SMIM35: variants seen among roughly 807,000 people sequenced by gnomAD.
The protein encoded by SMIM35 is small integral membrane protein 35, also known as TMPRSS4 antisense RNA 1 (non-protein coding).
intron 4 of SMIM35, among the ~76,000 whole-genome samples, chr11:118,012,478 C>T (rs894083297): frequency 6.6e-6 from 1 of 152,204 alleles, no homozygotes; most frequent in African/African-American, 2.4e-5. Context: ...CATTTCTGGC[C>T]CACTTTTGCC....
In SMIM35 at chr11:118,014,058, A is replaced by G. The variant is rs79317489; in HGVS notation, c.159-178T>C. On this transcript the variant is annotated intron_variant, in intron 3 of 4. Transcript: ENST00000689828. ...AGGTACAGCCCTGCCTGTGGCAAGT[A>G]GATGAGATGACCAACGCCAAGAGGA... Among the ~76,000 whole-genome samples, 498 of 152,316 alleles carry G rather than the reference A, an allele frequency of 3.3e-3. 1 individual carries two copies. Among genetic ancestry groups the G allele is most frequent in the African/African-American group, 0.011 (475 of 41,564 alleles).
chr11:118,076,939 G>A, intron 1 of SMIM35: 1 of 239,364 alleles, frequency 4.2e-6, no homozygotes, highest in Non-Finnish European at 8.1e-6. Flanking sequence ...CCTGTTCTGA[G>A]GCCGAAGGTC....
intron 1 of SMIM35, among the ~76,000 whole-genome samples, chr11:118,036,153 C>G (rs936325184): frequency 6.6e-6 from 1 of 152,192 alleles, no homozygotes; most frequent in African/African-American, 2.4e-5. Context: ...TCCCAAAGTG[C>G]TGGGATTACA....
At chr11:118,064,071 A>C (rs1252787274) in intron 1 of SMIM35, among the ~76,000 whole-genome samples, 1 of 152,038 alleles carries the variant, frequency 6.6e-6, no homozygotes, top group East Asian at 1.9e-4. Context: ...CAACCATAGG[A>C]TCTGTTGCTA....
At chr11:118,070,642 C>T (rs1158581041) in intron 1 of SMIM35, among the ~76,000 whole-genome samples, 3 of 152,152 alleles carry the variant, frequency 2.0e-5, no homozygotes, top group Non-Finnish European at 4.4e-5. Flanking sequence ...CCTGGAGAGA[C>T]AGATGAAAAG....
intron 1 of SMIM35, among the ~76,000 whole-genome samples, chr11:118,068,698 G>A (rs60348146): frequency 0.057 from 8,610 of 152,254 alleles, 352 homozygotes; most frequent in East Asian, 0.19. Flanking sequence ...ACCTCACAGC[G>A]CTGTTTCCTG....
At chr11:118,052,163 C>T (rs1944227500) in intron 1 of SMIM35, among the ~76,000 whole-genome samples, 1 of 152,184 alleles carries the variant, frequency 6.6e-6, no homozygotes, top group African/African-American at 2.4e-5. Context: ...TTTGCATAAA[C>T]ACCATAGAAA....
intron 4 of SMIM35, among the ~76,000 whole-genome samples, chr11:118,011,462 C>T (rs1454131101): frequency 2.0e-5 from 3 of 152,102 alleles, no homozygotes; most frequent in South Asian, 2.1e-4. Context: ...GAGGCCGAGG[C>T]GGGTGGCTCA....
intron 1 of SMIM35, among the ~76,000 whole-genome samples, chr11:118,084,744 T>C (rs1945413429): frequency 6.6e-6 from 1 of 152,260 alleles, no homozygotes; most frequent in African/African-American, 2.4e-5. Context: ...ACATCACATG[T>C]GTCATCAATA....
intron 1 of SMIM35, among the ~76,000 whole-genome samples, chr11:118,055,388 T>C (rs1308228426): frequency 6.6e-6 from 1 of 152,178 alleles, no homozygotes; most frequent in Non-Finnish European, 1.5e-5. Context: ...CCCCACCAGC[T>C]GTTCCATTTC....
At chr11:118,030,211 T>C (rs1245607064) in intron 1 of SMIM35, among the ~76,000 whole-genome samples, 2 of 152,114 alleles carry the variant, frequency 1.3e-5, no homozygotes, top group Non-Finnish European at 2.9e-5. Flanking sequence ...ATTTTTGTAT[T>C]TTTAGTAGAG....
At chr11:118,069,948 C>A (rs1409667033) in intron 1 of SMIM35, among the ~76,000 whole-genome samples, 1 of 152,060 alleles carries the variant, frequency 6.6e-6, no homozygotes, top group Admixed American at 6.5e-5. Flanking sequence ...GTAATCCCAG[C>A]CACTCGGGAG....
At chr11:118,010,968 A>G (rs1438648785) in intron 4 of SMIM35, among the ~76,000 whole-genome samples, 2 of 152,222 alleles carry the variant, frequency 1.3e-5, no homozygotes, top group Non-Finnish European at 2.9e-5. Flanking sequence ...CTGCTCCCGA[A>G]TCGTTTCTAA....
chr11:118,086,335 G>A (rs1277369838), intron 1 of SMIM35, among the ~76,000 whole-genome samples: 1 of 152,254 alleles, frequency 6.6e-6, no homozygotes, highest in Non-Finnish European at 1.5e-5. Flanking sequence ...GAGCCATTAT[G>A]TGCTGAGATG....
chr11:118,059,506 T>G (rs554389354), intron 1 of SMIM35: 1 of 152,176 alleles, frequency 6.6e-6, no homozygotes, highest in Admixed American at 6.5e-5. Context: ...CATCTCAGAG[T>G]GCAGAATGTG....
rs573691399 is a variant in SMIM35 at position 118,013,129 on chromosome 11, G to A, written c.*33+619C>T. On this transcript the variant is annotated intron_variant, in intron 4 of 4. Transcript: ENST00000689828. ...ACTCCCCAGGACTCCCATACCATAGGCTGGTGGCGTATCCAGAGGAGACCC... is the reference window on the plus strand; with the variant it reads ...ACTCCCCAGGACTCCCATACCATAGACTGGTGGCGTATCCAGAGGAGACCC... Among the ~76,000 whole-genome samples the A allele has an allele frequency of 2.1e-4, 32 of 152,170 alleles. 1 individual carries two copies. The highest frequency in any genetic ancestry group is 2.8e-4 in the Non-Finnish European group (19 of 68,040).
intron 1 of SMIM35, among the ~76,000 whole-genome samples, chr11:118,060,638 G>A (rs670225): frequency 0.15 from 23,214 of 152,006 alleles, 1,961 homozygotes; most frequent in East Asian, 0.3. Context: ...CTGGACCCCC[G>A]GGGGTCTGGG....
chr11:118,034,600 T>C (rs942515901), intron 1 of SMIM35, among the ~76,000 whole-genome samples: 1 of 152,220 alleles, frequency 6.6e-6, no homozygotes, highest in African/African-American at 2.4e-5. Context: ...GGTTCACATC[T>C]GTAGTCCCAG....
chr11:118,058,223 G>A (rs1413040076), intron 1 of SMIM35, among the ~76,000 whole-genome samples: 2 of 152,140 alleles, frequency 1.3e-5, no homozygotes, highest in East Asian at 1.9e-4. Context: ...TCCCTGAAGC[G>A]GAGCATGCAT....
Sources: allele counts gnomAD v4.1 joint callset (sites outside exome capture counted in the v4.1 genomes callset), GRCh38; gene constraint gnomAD v4.1.1; transcripts MANE v1.5; gene names NCBI Gene and HGNC (gene_info 2026-07-23, HGNC 2026-07-21).